The following CDHR5 variants were observed in gnomAD, a reference collection of about 807,000 sequenced individuals.
The protein encoded by CDHR5 is cadherin related family member 5.
In CDHR5, 82 loss-of-function variants were observed where a neutral mutation model predicts 69.5. That is an observed-to-expected ratio of 1.18 (90% CI 0.99 to 1.42). CDHR5 has a LOEUF of 1.42. Among genes scored for constraint, CDHR5 ranks in the 40% most tolerant of loss-of-function variants. CDHR5 has a pLI of 0.00. For missense variants in CDHR5, 1,293 were observed against 1,168.9 expected (o/e 1.11, Z -1.55); for synonymous variants, 601 against 510.2 (o/e 1.18, Z -2.40).
Position 623,258 on chromosome 11 carries a change from G to A in CDHR5, c.312+955C>T, listed in dbSNP as rs192280933. Among the ~76,000 whole-genome samples, 480 of 152,252 alleles carry A rather than the reference G, an allele frequency of 3.2e-3. 2 individuals carry two copies. The highest frequency in any genetic ancestry group is 0.011 in the African/African-American group (460 of 41,546). ...CGGGAGGCGGAAGTTGCAGTGAGCC[G>A]AGATCGCTCCACTGCACGCCAGCCT... On this transcript the variant is annotated intron_variant, in intron 3 of 14. Transcript: ENST00000397542.
Position 618,658 on chromosome 11 carries a change from T to C in CDHR5, c.1901A>G (p.Gln634Arg), listed in dbSNP as rs1295346921. ...QPTTPGGGTA[Q>R]TPEPGTSQPM... is the part of the protein sequence containing the mutation. ...CTGAGAGGTTCCTGGCTCTGGGGTC[T>C]GTGCTGTGCCCCCACCGGGTGTGGT... Residue 634 changes from glutamine to arginine, a missense_variant, in exon 13 of 15, where the codon CAG becomes CGG. Coordinates refer to ENST00000397542, the MANE Select transcript of CDHR5 (RefSeq NM_021924.5). 6 of 1,592,060 alleles carry C rather than the reference T, an allele frequency of 3.8e-6. No individual in the cohort carries two copies. Among genetic ancestry groups the C allele is most frequent in the South Asian group, 3.3e-5 (3 of 89,608 alleles).
chr11:620,988 G>A (rs1245747223), intron 7 of CDHR5, 92 bp downstream of exon 7: 7 of 371,322 alleles, frequency 1.9e-5, no homozygotes, highest in African/African-American at 6.6e-5. Context: ...CCCTGACCCC[G>A]ACCCCGCCCT....
chr11:619,108 G>T lies in CDHR5; in HGVS notation c.1451C>A (p.Pro484His). ...GGAGGGTCCCTGGGAGGGCTCAGGG[G>T]GTCTGGGGACCTCGGAAGTGGTGCT... Reference protein sequence around the residue: ...WTSTTSEVPRPPEPSQGPSTT... With the variant: ...WTSTTSEVPRHPEPSQGPSTT... Residue 484 changes from proline to histidine, a missense_variant, in exon 13 of 15, where the codon CCC becomes CAC. Physicochemically the swap from Pro to His is moderately conservative, Grantham distance 77. Transcript: ENST00000397542. 2 of 1,603,784 alleles carry T rather than the reference G, an allele frequency of 1.2e-6. No individual in the cohort carries two copies. Among genetic ancestry groups the T allele is most frequent in the South Asian group, 2.2e-5 (2 of 90,646 alleles).
Position 619,166 on chromosome 11 carries a change from G to A in CDHR5, c.1393C>T (p.Pro465Ser). ...GGCCCAGTTGTTCCTCCAGCCTCTG[G>A]GGATGGGGGGACATCTGGGGGCCGG... Reference protein sequence around the residue: ...EPPSTDVPPSPEAGGTTGPWT... With the variant: ...EPPSTDVPPSSEAGGTTGPWT... The change falls in exon 13 of 15, where the codon CCA becomes TCA. Residue 465 changes from proline to serine, a missense_variant. Pro to Ser is a moderately conservative substitution (Grantham distance 74, BLOSUM62 -1). Transcript: ENST00000397542. The A allele has an allele frequency of 6.5e-7, 1 of 1,545,336 alleles. No homozygotes were observed. The highest frequency in any genetic ancestry group is 2.3e-5 in the East Asian group (1 of 43,782).
In CDHR5 at chr11:624,087, A is replaced by G. The variant is rs2133219614; in HGVS notation, c.312+126T>C. Reference sequence around the variant, plus strand: ...CTGGACTGGAGGAAATGTGGGCATCACCCTCGGGGGGGTGGAATTTGAAAC... The same window carrying G: ...CTGGACTGGAGGAAATGTGGGCATCGCCCTCGGGGGGGTGGAATTTGAAAC... On this transcript the variant is annotated intron_variant, in intron 3 of 14. Coordinates refer to ENST00000397542, the MANE Select transcript of CDHR5 (RefSeq NM_021924.5). This position sits in a 1 kb window ranked among gnomAD's most constrained non-coding sequence, Gnocchi z 5.3. 1 of 652,790 alleles carries G rather than the reference A, an allele frequency of 1.5e-6. No homozygotes were observed. The highest frequency in any genetic ancestry group is 1.8e-5 in the African/African-American group (1 of 56,032). The allele number at this position is 652,790 out of a possible 1,614,324, so 40.4% of individuals were successfully genotyped here.
In CDHR5 at chr11:621,138, T is replaced by C; in HGVS notation, c.731A>G (p.Asp244Gly). ...PPWFLPCTFSDGYVCIQAQYH... is the reference protein window; with the variant it reads ...PPWFLPCTFSGGYVCIQAQYH... ...CTGAGCTTGAATGCAGACGTAGCCATCTGAGAAGGTGCAGGGCAGGAACCA... is the reference window on the plus strand; with the variant it reads ...CTGAGCTTGAATGCAGACGTAGCCACCTGAGAAGGTGCAGGGCAGGAACCA... The change falls in exon 7 of 15, where the codon GAT becomes GGT. Residue 244 changes from aspartate to glycine, a missense_variant. Transcript: ENST00000397542. The surrounding 1 kb of genome is among the most constrained non-coding windows in gnomAD (Gnocchi z 4.4). 5 of 1,595,810 alleles carry C rather than the reference T, an allele frequency of 3.1e-6. No homozygotes were observed. The highest frequency in any genetic ancestry group is 4.3e-6 in the Non-Finnish European group (5 of 1,170,582).
chr11:624,375 G>T lies in CDHR5; in HGVS notation c.262-112C>A. ...CCCATCATCAGTGGTCAGTGCTGAGGGTGTGGGCCCAGGCAGCTTCATCCC... is the reference window on the plus strand; with the variant it reads ...CCCATCATCAGTGGTCAGTGCTGAGTGTGTGGGCCCAGGCAGCTTCATCCC... On this transcript the variant is annotated intron_variant, in intron 2 of 14. Coordinates refer to ENST00000397542, the MANE Select transcript of CDHR5 (RefSeq NM_021924.5). The surrounding 1 kb of genome is among the most constrained non-coding windows in gnomAD (Gnocchi z 5.3). The T allele has an allele frequency of 1.3e-6, 1 of 748,408 alleles. No individual in the cohort carries two copies. The highest frequency in any genetic ancestry group is 2.4e-6 in the Non-Finnish European group (1 of 412,156). 46.4% of individuals were successfully genotyped at this position (748,408 alleles called of 1,614,324 possible). A position where few individuals can be genotyped will look rare whatever the true frequency, so the allele number is the denominator to read the frequency against.
In CDHR5 at chr11:618,716, G is replaced by C. The variant is rs377168999; in HGVS notation, c.1843C>G (p.Pro615Ala). 3.8e-6 allele frequency: 6 copies of C among 1,589,536 alleles called. No homozygotes were observed. The Admixed American group carries it at 1.1e-4, about 28-fold the overall frequency. The change falls in exon 13 of 15, where the codon CCC becomes GCC. Residue 615 changes from proline (P) to alanine (A), a missense_variant. Pro to Ala is a conservative substitution (Grantham distance 27). Coordinates refer to ENST00000397542, the MANE Select transcript of CDHR5 (RefSeq NM_021924.5). ...TGGGAGGTGCTGGTTCCCATACCGG[G>C]GGGCATCGGCTGAGAGGTTCCTGCC... Reference protein sequence around the residue: ...PEAGTSQPMPPGMGTSTSHQP... With the variant: ...PEAGTSQPMPAGMGTSTSHQP...
Position 624,520 on chromosome 11 carries a change from C to A in CDHR5, c.261+37G>T. The A allele has an allele frequency of 6.2e-7, 1 of 1,604,200 alleles. No individual in the cohort carries two copies. The highest frequency in any genetic ancestry group is 8.5e-7 in the Non-Finnish European group (1 of 1,172,734). On this transcript the variant is annotated intron_variant, in intron 2 of 14. Transcript: ENST00000397542. The surrounding 1 kb of genome is among the most constrained non-coding windows in gnomAD (Gnocchi z 5.3). ...GCCTGAGGATGCAGGTGCCCTTCTC[C>A]CGGGACCCCCATATCCCGCCCGCCT...
chr11:623,033 G>C (rs960311748), intron 3 of CDHR5, among the ~76,000 whole-genome samples: 5 of 151,994 alleles, frequency 3.3e-5, no homozygotes, highest in African/African-American at 4.8e-5. Flanking sequence ...TGTCAGCCGG[G>C]CACGGTGGCT....
intron 9 of CDHR5, 77 bp downstream of exon 9, chr11:619,989 GC>G: frequency 1.6e-6 from 2 of 1,262,954 alleles, no homozygotes; most frequent in Non-Finnish European, 2.2e-6. Flanking sequence ...CCCTGCCCCG[GC>G]CCCCCAGCCC....
In CDHR5 at chr11:618,806, T is replaced by TG. The variant is rs561870415; in HGVS notation, c.1752dup (p.Ser585GlnfsTer130). On this transcript the variant is annotated frameshift_variant, in exon 13 of 15. Transcript: ENST00000397542. LOFTEE classifies it high-confidence loss of function. ...TGGTGGGAGGTGCTGGTTCCCATAC[T>TG]GGGGGGCATCGGCTGAGAGGTTCCT... The TG allele has an allele frequency of 5.8e-5, 92 of 1,574,370 alleles. No individual in the cohort carries two copies. The African/African-American group carries it at 1.3e-3, about 22-fold the overall frequency.
Position 619,392 on chromosome 11 carries a change from TG to T in CDHR5, c.1294-3del. ...GGTCACCGTGTTGTGGGCCTCAACCTGGGGCAGGAAGGGGCTTGTCCCTCCT... is the reference window on the plus strand; with the variant it reads ...GGTCACCGTGTTGTGGGCCTCAACCTGGGCAGGAAGGGGCTTGTCCCTCCT... On this transcript the variant is annotated splice_polypyrimidine_tract_variant and splice_region_variant and intron_variant, in intron 11 of 14. Transcript: ENST00000397542. 6.2e-7 allele frequency: 1 copy of T among 1,613,318 alleles called. No homozygotes were observed. Among genetic ancestry groups the T allele is most frequent in the Non-Finnish European group, 8.5e-7 (1 of 1,179,446 alleles).
chr11:618,467 C>T, intron 13 of CDHR5, 132 bp downstream of exon 13: 1 of 1,103,272 alleles, frequency 9.1e-7, no homozygotes, highest in Non-Finnish European at 1.3e-6. Context: ...CTGTGTCTGT[C>T]AGTCCCAAAC....
At chr11:622,796 A>G (rs1279905395) in intron 3 of CDHR5, among the ~76,000 whole-genome samples, 3 of 152,064 alleles carry the variant, frequency 2.0e-5, no homozygotes, top group African/African-American at 4.8e-5. Context: ...TTTTTAGAAC[A>G]TAACCACAAT....
intron 12 of CDHR5, 62 bp downstream of exon 12, chr11:619,244 A>G: frequency 6.7e-7 from 1 of 1,484,526 alleles, no homozygotes. Flanking sequence ...ACCGCGGGAA[A>G]GGAGCCACCG....
At position 621,381 on chromosome 11, in the gene CDHR5, G is replaced by A. The variant is rs201094666; in HGVS notation, c.582C>T (p.Tyr194=). The A allele has an allele frequency of 3.5e-5, 57 of 1,613,024 alleles. No individual in the cohort carries two copies. The highest frequency in any genetic ancestry group is 1.6e-4 in the Middle Eastern group (1 of 6,084). The change falls in exon 6 of 15, where the codon TAC becomes TAT. Residue 194 remains tyrosine, a synonymous_variant. Transcript: ENST00000397542. The surrounding 1 kb of genome is among the most constrained non-coding windows in gnomAD (Gnocchi z 4.4). ...GCCAGAAGGTCATGTTCGGCCGCTC[G>A]TAGAAGTCCAGGGGCCGGTCCAGCC... is the stretch of plus-strand genomic sequence containing the variant. The part of the protein sequence containing the change: ...ALRLDRPLDF[Y]ERPNMTFWLL...
At position 618,882 on chromosome 11, in the gene CDHR5, G is replaced by A. The variant is rs1857166035; in HGVS notation, c.1677C>T (p.Thr559=). 3 of 1,609,750 alleles carry A rather than the reference G, an allele frequency of 1.9e-6. No homozygotes were observed. Among genetic ancestry groups the A allele is most frequent in the Non-Finnish European group, 1.7e-6 (2 of 1,178,694 alleles). ...QPMPPGVGTS[T]SHQPATPSGG... is the part of the protein sequence containing the mutation. Reference sequence around the variant, plus strand: ...CACTGGGTGTGGCTGGTTGGTGGGAGGTGCTGGTTCCCACACCGGGGGGCA... The same window carrying A: ...CACTGGGTGTGGCTGGTTGGTGGGAAGTGCTGGTTCCCACACCGGGGGGCA... The change falls in exon 13 of 15, where the codon ACC becomes ACT. Residue 559 remains threonine (T), a synonymous_variant. Transcript: ENST00000397542.
Position 621,454 on chromosome 11 carries a change from C to G in CDHR5, c.509G>C (p.Gly170Ala), listed in dbSNP as rs138656483. The change falls in exon 6 of 15, where the codon GGT becomes GCT. Residue 170 changes from glycine (G) to alanine (A), a missense_variant and splice_region_variant. By Grantham distance (60) the Gly-to-Ala change is moderately conservative (BLOSUM62 0). Transcript: ENST00000397542. The surrounding 1 kb of genome is among the most constrained non-coding windows in gnomAD (Gnocchi z 4.4). ...LFYTLQEMTA[G>A]ASDYFSLVSV... ...CACCAGGGAGAAGTAGTCACTGGCA[C>G]CCTGGGGAGGGTCAGGGAGGACAGA... is the stretch of plus-strand genomic sequence containing the variant. 5 of 1,611,790 alleles carry G rather than the reference C, an allele frequency of 3.1e-6. No individual in the cohort carries two copies. Among genetic ancestry groups the G allele is most frequent in the Non-Finnish European group, 4.2e-6 (5 of 1,178,932 alleles).
Sources: allele counts gnomAD v4.1 joint callset (sites outside exome capture counted in the v4.1 genomes callset), GRCh38; gene constraint gnomAD v4.1.1; non-coding constraint Gnocchi (gnomAD v3.1); transcripts MANE v1.5; gene names NCBI Gene and HGNC (gene_info 2026-07-23, HGNC 2026-07-21).